The following BICD2 variants were observed in gnomAD, a reference collection of about 807,000 sequenced individuals.
The protein encoded by BICD2 is protein bicaudal D homolog 2.
A neutral mutation model predicts 72.9 loss-of-function variants in BICD2; 25 were observed. That is an observed-to-expected ratio of 0.34 (90% CI 0.25 to 0.48). The LOEUF (loss-of-function observed/expected upper bound fraction) is 0.48, where lower values mean the gene tolerates loss of function less well. Among genes scored for constraint, BICD2 ranks in the 20% least tolerant of loss-of-function variants. The pLI is 0.99. For missense variants in BICD2, 894 were observed against 1,175.2 expected (o/e 0.76, Z 3.50); for synonymous variants, 501 against 516.1 (o/e 0.97, Z 0.40).
chr9:92,758,895 AC>A (rs1043709677), intron 1 of BICD2, among the ~76,000 whole-genome samples: 1 of 151,862 alleles, frequency 6.6e-6, no homozygotes, highest in African/African-American at 2.4e-5. Context: ...GTGGTAGCTC[AC>A]ATCTCTAATC....
chr9:92,748,342 A>C (rs770231656), intron 1 of BICD2, among the ~76,000 whole-genome samples: 6 of 152,166 alleles, frequency 3.9e-5, no homozygotes, highest in Non-Finnish European at 7.4e-5. Flanking sequence ...CCGGGTGTAA[A>C]CTGCAATGAC....
At position 92,713,455 on chromosome 9, in the gene BICD2, T is replaced by C. The variant is rs755748660; in HGVS notation, c.*1699A>G. On this transcript the variant is annotated 3_prime_UTR_variant, in exon 7 of 7. Coordinates refer to ENST00000356884, the MANE Select transcript of BICD2 (RefSeq NM_001003800.2). ...GTGGCCAAGTCCTCCTGGCAGCTAC[T>C]CTACAGCTGAAAACGGGAGAAAAGA... 2.5e-6 allele frequency: 4 copies of C among 1,591,008 alleles called. No homozygotes were observed. Among genetic ancestry groups the C allele is most frequent in the Non-Finnish European group, 3.4e-6 (4 of 1,167,822 alleles).
chr9:92,713,213 G>A lies in BICD2; in HGVS notation c.*1941C>T. ...CGAGCCTGGCAGCCAGGGAAGAAGG[G>A]TCTTCGGCCCATACAGAGGCCTTTC... On this transcript the variant is annotated 3_prime_UTR_variant, in exon 7 of 7. Coordinates refer to ENST00000356884, the MANE Select transcript of BICD2 (RefSeq NM_001003800.2). 1.9e-6 allele frequency: 1 copy of A among 534,440 alleles called. No individual in the cohort carries two copies. The highest frequency in any genetic ancestry group is 2.7e-5 in the South Asian group (1 of 36,694). The allele number at this position is 534,440 out of a possible 1,614,324, so 33.1% of individuals were successfully genotyped here.
At position 92,725,408 on chromosome 9, in the gene BICD2, C is replaced by T. The variant is rs541532436; in HGVS notation, c.454-2600G>A. 1.2e-4 allele frequency among the ~76,000 whole-genome samples: 19 copies of T among 152,378 alleles called. No individual in the cohort carries two copies. The East Asian group carries it at 3.5e-3, about 28-fold the overall frequency. ...GTGCTTCCATGCCCACACTACTGGG[C>T]GTAGGCAGCCAGGCTCATGTGGCCT... On this transcript the variant is annotated intron_variant, in intron 2 of 6. Transcript: ENST00000356884.
At chr9:92,728,280 C>T (rs1247597422) in intron 2 of BICD2, among the ~76,000 whole-genome samples, 1 of 152,370 alleles carries the variant, frequency 6.6e-6, no homozygotes, top group African/African-American at 2.4e-5. Flanking sequence ...GCCTTTGCCC[C>T]TATCAGGGCC....
intron 1 of BICD2, among the ~76,000 whole-genome samples, chr9:92,747,877 G>A (rs1198590213): frequency 6.6e-6 from 1 of 152,204 alleles, no homozygotes; most frequent in African/African-American, 2.4e-5. Context: ...GACAGACAGG[G>A]GGAACCTATG....
intron 1 of BICD2, among the ~76,000 whole-genome samples, chr9:92,737,509 G>C (rs1853813311): frequency 6.6e-6 from 1 of 152,180 alleles, no homozygotes; most frequent in Non-Finnish European, 1.5e-5. Flanking sequence ...CAGCGCGTGG[G>C]AGACTGGGTG....
At chr9:92,758,179 G>A (rs919710247) in intron 1 of BICD2, among the ~76,000 whole-genome samples, 4 of 150,928 alleles carry the variant, frequency 2.7e-5, no homozygotes, top group African/African-American at 7.3e-5. Flanking sequence ...ACTCCACGCT[G>A]GGCAACAGAG....
chr9:92,729,280 G>A, intron 1 of BICD2, 44 bp from the exon 2 acceptor site: 1 of 1,602,538 alleles, frequency 6.2e-7, no homozygotes, highest in Non-Finnish European at 8.5e-7. Context: ...CCTCCCAGGG[G>A]CGCCGAAGGA....
chr9:92,746,028 G>A (rs1004639285), intron 1 of BICD2, among the ~76,000 whole-genome samples: 1 of 152,228 alleles, frequency 6.6e-6, no homozygotes, highest in Non-Finnish European at 1.5e-5. Flanking sequence ...CCTAACAACT[G>A]AGATCTGGCT....
intron 2 of BICD2, among the ~76,000 whole-genome samples, chr9:92,723,131 C>T (rs577357398): frequency 6.6e-6 from 1 of 152,298 alleles, no homozygotes; most frequent in Admixed American, 6.5e-5. Context: ...TGGGCATGTA[C>T]ACAGTAGTGC....
rs1853194536 is a variant in BICD2, at chr9:92,711,479, A to C, written c.*3675T>G. 6.6e-6 allele frequency: 1 copy of C among 152,594 alleles called. No individual in the cohort carries two copies. Among genetic ancestry groups the C allele is most frequent in the Non-Finnish European group, 1.5e-5 (1 of 68,036 alleles). The allele number at this position is 152,594 out of a possible 1,614,324, so 9.5% of individuals were successfully genotyped here. On this transcript the variant is annotated 3_prime_UTR_variant, in exon 7 of 7. Transcript: ENST00000356884. ...ATTCACATCATATGTCTGTGTCCTG[A>C]AAATCTCAATTAATTTCTCCTTCCT...
rs895289803 is a variant in BICD2 at position 92,713,512 on chromosome 9, T to C, written c.*1642A>G. 6.4e-6 allele frequency: 10 copies of C among 1,569,506 alleles called. No individual in the cohort carries two copies. In the East Asian group the frequency reaches 1.6e-4, roughly 25 times the overall value. On this transcript the variant is annotated 3_prime_UTR_variant, in exon 7 of 7. Transcript: ENST00000356884. ...TAGAAAGCGGTCATCTGTCGCTTCC[T>C]GTTTATCTGACAATTGAAGCTCTCC...
intron 1 of BICD2, among the ~76,000 whole-genome samples, chr9:92,740,281 T>C (rs930100569): frequency 2.6e-5 from 4 of 152,202 alleles, no homozygotes; most frequent in African/African-American, 9.7e-5. Flanking sequence ...TATGTGTTGG[T>C]GTACCACGGA....
intron 2 of BICD2, among the ~76,000 whole-genome samples, chr9:92,723,045 G>A (rs1193885024): frequency 1.3e-5 from 2 of 152,208 alleles, no homozygotes; most frequent in African/African-American, 4.8e-5. Flanking sequence ...GGGAACCCGT[G>A]ACTGCCTGCT....
intron 1 of BICD2, among the ~76,000 whole-genome samples, chr9:92,741,204 T>G (rs1248213702): frequency 1.3e-5 from 2 of 152,186 alleles, no homozygotes; most frequent in African/African-American, 2.4e-5. Context: ...TCAACAGATC[T>G]TCCCTTCCAA....
In BICD2 at chr9:92,720,016, G is replaced by T. The variant is rs1258007837; in HGVS notation, c.1062+284C>A. 2.0e-5 allele frequency among the ~76,000 whole-genome samples: 3 copies of T among 152,226 alleles called. No individual in the cohort carries two copies. Among genetic ancestry groups the T allele is most frequent in the Non-Finnish European group, 4.4e-5 (3 of 68,034 alleles). ...GACCATGGTGGGCCCCTGACACCTG[G>T]CCTGCGTGCAGGGATCACATGTGGG... On this transcript the variant is annotated intron_variant, in intron 4 of 6. Transcript: ENST00000356884. This position sits in a 1 kb window ranked among gnomAD's most constrained non-coding sequence, Gnocchi z 5.4.
rs1160339822 is a variant in BICD2, at chr9:92,715,021, A to G, written c.*133T>C. ...AAGTGTCCTGCTGATGCAACGCCCC[A>G]TGGCGCCTCGGCTAGACTCCTACCC... On this transcript the variant is annotated 3_prime_UTR_variant, in exon 7 of 7. Transcript: ENST00000356884. 7.0e-7 allele frequency: 1 copy of G among 1,429,862 alleles called. No homozygotes were observed. Among genetic ancestry groups the G allele is most frequent in the African/African-American group, 1.4e-5 (1 of 69,234 alleles). The allele number at this position is 1,429,862 out of a possible 1,614,324, so 88.6% of individuals were successfully genotyped here. A position where few individuals can be genotyped will look rare whatever the true frequency, so the allele number is the denominator to read the frequency against.
intron 1 of BICD2, among the ~76,000 whole-genome samples, chr9:92,732,915 A>C (rs962702395): frequency 3.3e-5 from 5 of 152,248 alleles, no homozygotes; most frequent in Admixed American, 3.3e-4. Context: ...TTCTTATTTA[A>C]ATCTCTTTAA....
Sources: allele counts gnomAD v4.1 joint callset (sites outside exome capture counted in the v4.1 genomes callset), GRCh38; gene constraint gnomAD v4.1.1; non-coding constraint Gnocchi (gnomAD v3.1); transcripts MANE v1.5; gene names NCBI Gene and HGNC (gene_info 2026-07-23, HGNC 2026-07-21).